The following SEPHS1 variants were observed in gnomAD, a reference collection of about 807,000 sequenced individuals.
SEPHS1 encodes selenophosphate synthetase 1, also known as zincore component SEPHS1.
A neutral mutation model predicts 39.2 loss-of-function variants in SEPHS1; 7 were observed. The ratio of observed to expected loss-of-function variants is 0.18; its 90% CI spans 0.10 to 0.34. SEPHS1 has a LOEUF of 0.34. SEPHS1 is among the 10% of genes least tolerant of loss of function. The pLI is 1.00. For missense variants in SEPHS1, 253 were observed against 514.5 expected, an observed-to-expected ratio of 0.49 and a Z score of 4.92; for synonymous variants, 190 against 195.5, an observed-to-expected ratio of 0.97 and a Z score of 0.23.
At position 13,318,813 on chromosome 10, in the gene SEPHS1, G is replaced by A. The variant is rs1833018361; in HGVS notation, c.*329C>T. 7.8e-6 allele frequency: 2 copies of A among 256,744 alleles called. No individual in the cohort carries two copies. Among genetic ancestry groups the A allele is most frequent in the Non-Finnish European group, 1.5e-5 (2 of 137,030 alleles). 15.9% of individuals were successfully genotyped at this position (256,744 alleles called of 1,614,324 possible). A position where few individuals can be genotyped will look rare whatever the true frequency, so the allele number is the denominator to read the frequency against. On this transcript the variant is annotated 3_prime_UTR_variant, in exon 9 of 9. Transcript: ENST00000327347. The stretch of plus-strand genomic sequence containing the variant: ...ACCAACTGCTATTTGACACGACTAC[G>A]GGTAATGCCTGTGCTATGTGAAAGC...
chr10:13,344,106 T>G (rs1278452321), intron 2 of SEPHS1, among the ~76,000 whole-genome samples: 2 of 152,124 alleles, frequency 1.3e-5, no homozygotes, highest in African/African-American at 4.8e-5. Flanking sequence ...GTCCTGGGTC[T>G]GGAGCAGTCC....
intron 7 of SEPHS1, among the ~76,000 whole-genome samples, chr10:13,327,222 C>A (rs1364542825): frequency 8.9e-6 from 1 of 112,762 alleles, no homozygotes; most frequent in East Asian, 2.7e-4. Context: ...GCCTGGGCGA[C>A]AGAGTTAGAT....
At chr10:13,326,307 C>G (rs1271279708) in intron 7 of SEPHS1, among the ~76,000 whole-genome samples, 2 of 152,046 alleles carry the variant, frequency 1.3e-5, no homozygotes, top group Admixed American at 6.6e-5. Flanking sequence ...AAACCCATCT[C>G]TACTAAAAAT....
chr10:13,317,655 T>A lies in SEPHS1; in HGVS notation c.*1487A>T, dbSNP rs1259676677. 1 of 152,220 alleles carries A rather than the reference T, an allele frequency of 6.6e-6. No homozygotes were observed. Among genetic ancestry groups the A allele is most frequent in the African/African-American group, 2.4e-5 (1 of 41,456 alleles). 9.4% of individuals were successfully genotyped at this position (152,220 alleles called of 1,614,324 possible). On this transcript the variant is annotated 3_prime_UTR_variant, in exon 9 of 9. Coordinates refer to ENST00000327347, the MANE Select transcript of SEPHS1 (RefSeq NM_012247.5). Reference sequence around the variant, plus strand: ...AGGAGGGCGCGTCCGAGTTAAAGCCTCTTCCAGGAGCTTGAACTTCCCAGG... The same window carrying A: ...AGGAGGGCGCGTCCGAGTTAAAGCCACTTCCAGGAGCTTGAACTTCCCAGG...
At chr10:13,320,720 A>T (rs912515110) in intron 8 of SEPHS1, among the ~76,000 whole-genome samples, 3 of 151,788 alleles carry the variant, frequency 2.0e-5, no homozygotes, top group Non-Finnish European at 4.4e-5. Flanking sequence ...AATCCCAGCT[A>T]CTCGGGCTGA....
At chr10:13,323,861 C>T (rs942297323) in intron 7 of SEPHS1, among the ~76,000 whole-genome samples, 12 of 151,818 alleles carry the variant, frequency 7.9e-5, no homozygotes, top group South Asian at 2.1e-4. Flanking sequence ...CCTCCCAAAG[C>T]GCTGGGATCA....
intron 5 of SEPHS1, 59 bp downstream of exon 5, chr10:13,333,758 A>G: frequency 6.4e-7 from 1 of 1,567,408 alleles, no homozygotes; most frequent in Non-Finnish European, 8.7e-7. Context: ...TCAATTTTTA[A>G]AAAGAGAGGA....
chr10:13,327,299 A>C (rs1588536743), intron 7 of SEPHS1, among the ~76,000 whole-genome samples: 2 of 150,716 alleles, frequency 1.3e-5, no homozygotes, highest in East Asian at 3.9e-4. Context: ...GGGAAACATT[A>C]GTCATGTCAA....
intron 6 of SEPHS1, among the ~76,000 whole-genome samples, chr10:13,328,735 C>G (rs1187194077): frequency 2.0e-5 from 3 of 152,190 alleles, no homozygotes; most frequent in Non-Finnish European, 4.4e-5. Flanking sequence ...CACTGCTGTA[C>G]ATGCAGTGTA....
intron 2 of SEPHS1, among the ~76,000 whole-genome samples, chr10:13,339,807 T>C (rs1359833002): frequency 6.6e-6 from 1 of 152,194 alleles, no homozygotes; most frequent in African/African-American, 2.4e-5. Context: ...TTTGTTATGC[T>C]GTACTGTTTA....
intron 1 of SEPHS1, 60 bp from the exon 2 acceptor site, chr10:13,345,088 G>A: frequency 1.5e-6 from 1 of 689,286 alleles, no homozygotes. Flanking sequence ...ACCTGCCAGC[G>A]AATCAAGTGA....
rs181336657 is a variant in SEPHS1 at position 13,332,980 on chromosome 10, A to C, written c.560+837T>G. On this transcript the variant is annotated intron_variant, in intron 5 of 8. Transcript: ENST00000327347. ...AATCCAGGATGGAGCAGGAGTGAACAGTGAGAGCCGAGGAGGATGGGGTTT... is the reference window on the plus strand; with the variant it reads ...AATCCAGGATGGAGCAGGAGTGAACCGTGAGAGCCGAGGAGGATGGGGTTT... Among the ~76,000 whole-genome samples, 16 of 152,324 alleles carry C rather than the reference A, an allele frequency of 1.1e-4. No homozygotes were observed. In the East Asian group the frequency reaches 3.1e-3, roughly 29 times the overall value.
In SEPHS1 at chr10:13,322,158, TTA is replaced by T. The variant is rs1164115417; in HGVS notation, c.964+675_964+676del. 1.7e-4 allele frequency: 65 copies of T among 386,878 alleles called. 1 individual carries two copies. The Admixed American group carries it at 2.1e-3, about 12-fold the overall frequency. 24.0% of individuals were successfully genotyped at this position (386,878 alleles called of 1,614,324 possible). A position where few individuals can be genotyped will look rare whatever the true frequency, so the allele number is the denominator to read the frequency against. On this transcript the variant is annotated intron_variant, in intron 8 of 8. Transcript: ENST00000327347. ...ATTCTCTTTTCTTTTTTTTTTTTTT[TTA>T]AGGCAGAATCTCGCTCTGTCACCCA... is the stretch of plus-strand genomic sequence containing the variant.
intron 2 of SEPHS1, 127 bp downstream of exon 2, chr10:13,344,631 T>C: frequency 1.6e-6 from 1 of 624,052 alleles, no homozygotes; most frequent in Non-Finnish European, 2.6e-6. Context: ...TGCATGTGTA[T>C]TCCTCAAATC....
intron 6 of SEPHS1, among the ~76,000 whole-genome samples, chr10:13,329,380 T>C (rs1833401714): frequency 6.6e-6 from 1 of 152,212 alleles, no homozygotes; most frequent in Non-Finnish European, 1.5e-5. Flanking sequence ...TCCTTCATAT[T>C]ATTTCTTAGT....
At chr10:13,336,660 T>C (rs558007474) in intron 3 of SEPHS1, among the ~76,000 whole-genome samples, 4 of 152,272 alleles carry the variant, frequency 2.6e-5, no homozygotes, top group South Asian at 2.1e-4. Flanking sequence ...GGAAGGGGTA[T>C]ATGTGCAGCG....
chr10:13,333,182 G>T (rs1245543090), intron 5 of SEPHS1, among the ~76,000 whole-genome samples: 1 of 149,970 alleles, frequency 6.7e-6, no homozygotes, highest in East Asian at 2.0e-4. Flanking sequence ...TGCCCAGGCT[G>T]GAGTGCAGTG....
intron 2 of SEPHS1, 149 bp from the exon 3 acceptor site, chr10:13,338,957 G>C (rs1055806579): frequency 1.1e-5 from 7 of 651,524 alleles, no homozygotes; most frequent in Non-Finnish European, 1.7e-5. Flanking sequence ...ATCAAGAAGC[G>C]TAACTGAAAT....
chr10:13,342,606 C>T (rs1446688654), intron 2 of SEPHS1, among the ~76,000 whole-genome samples: 3 of 152,080 alleles, frequency 2.0e-5, no homozygotes, highest in African/African-American at 7.2e-5. Flanking sequence ...AAAAAAAGGT[C>T]AAAAACACCC....
Sources: allele counts gnomAD v4.1 joint callset (sites outside exome capture counted in the v4.1 genomes callset), GRCh38; gene constraint gnomAD v4.1.1; transcripts MANE v1.5; gene names NCBI Gene and HGNC (gene_info 2026-07-23, HGNC 2026-07-21).